Variants in FANCI observed in about 807,000 individuals in gnomAD.
FANCI encodes FA complementation group I.
Under a neutral mutation model 176.1 loss-of-function variants are expected in FANCI, and 156 were observed. That is an observed-to-expected ratio of 0.89 (90% confidence interval 0.78 to 1.01). The LOEUF (loss-of-function observed/expected upper bound fraction) is 1.01, where lower values mean the gene tolerates loss of function less well. FANCI is among the 50% of genes least tolerant of loss of function. The pLI is 0.00. For synonymous variants in FANCI, 613 were observed against 541.7 expected (o/e 1.13, Z -1.83); for missense variants, 1,678 against 1,534.1 (o/e 1.09, Z -1.57).
intron 13 of FANCI, 71 bp downstream of exon 13, chr15:89,276,962 G>A: frequency 6.5e-7 from 1 of 1,536,868 alleles, no homozygotes; most frequent in Non-Finnish European, 9.0e-7. Flanking sequence ...GCATTTGCCT[G>A]GGAGTTTGGT....
In FANCI at chr15:89,297,242, G is replaced by A. The variant is rs1219200387; in HGVS notation, c.2636+2148G>A. Among the ~76,000 whole-genome samples the A allele has an allele frequency of 2.5e-4, 38 of 151,864 alleles. No homozygotes were observed. The East Asian group carries it at 5.7e-3, about 23-fold the overall frequency. On this transcript the variant is annotated intron_variant, in intron 24 of 37. Coordinates refer to ENST00000310775, the MANE Select transcript of FANCI (RefSeq NM_001113378.2). ...GCTCCCCACATCTCAGGCGATGGGC[G>A]GCCAGGCAGAGACGCTCCTCACTTC...
chr15:89,273,510 G>GCA, intron 11 of FANCI, 41 bp downstream of exon 11: 2 of 660,464 alleles, frequency 3.0e-6, no homozygotes, highest in Admixed American at 5.6e-5. Flanking sequence ...TCTGTAGTTG[G>GCA]TAAAAAAAAA....
At position 89,281,675 on chromosome 15, in the gene FANCI, A is replaced by G. The variant is rs2053619623; in HGVS notation, c.1513-90A>G. 29 of 1,187,234 alleles carry G rather than the reference A, an allele frequency of 2.4e-5. 2 individuals are homozygous for G. The South Asian group carries it at 3.4e-4, about 14-fold the overall frequency. The allele number at this position is 1,187,234 out of a possible 1,614,324, so 73.5% of individuals were successfully genotyped here. Reference sequence around the variant, plus strand: ...ATATAAAACAGAAGTAAGCTTCCTTATAGAAGCCATATGGTAACAGTATTG... The same window carrying G: ...ATATAAAACAGAAGTAAGCTTCCTTGTAGAAGCCATATGGTAACAGTATTG... On this transcript the variant is annotated intron_variant, in intron 15 of 37. Transcript: ENST00000310775.
rs750230813 is a variant in FANCI, at chr15:89,260,813, G to A, written c.258G>A (p.Ala86=). The change falls in exon 4 of 38, where the codon GCG becomes GCA. Residue 86 remains alanine (A), a synonymous_variant. Transcript: ENST00000310775. ...CGGGGGATTTGCAGAAAGAAATAGC[G>A]TCTGAGATCATAGGATTACTGATGC... ...VESGDLQKEI[A]SEIIGLLMLE... 37 of 1,613,780 alleles carry A rather than the reference G, an allele frequency of 2.3e-5. No homozygotes were observed. The highest frequency in any genetic ancestry group is 1.3e-4 in the Admixed American group (8 of 59,998).
chr15:89,251,591 A>C (rs2052252939), intron 2 of FANCI, among the ~76,000 whole-genome samples: 1 of 152,240 alleles, frequency 6.6e-6, no homozygotes, highest in Non-Finnish European at 1.5e-5. Context: ...TAACTTACGA[A>C]TATTGATATA....
chr15:89,269,232 C>G (rs1481027674), intron 10 of FANCI, among the ~76,000 whole-genome samples: 1 of 152,126 alleles, frequency 6.6e-6, no homozygotes, highest in Non-Finnish European at 1.5e-5. Flanking sequence ...TGCAGAAACC[C>G]AAACCCTAAC....
chr15:89,315,785 C>T (rs1300902687), intron 37 of FANCI, among the ~76,000 whole-genome samples: 1 of 152,190 alleles, frequency 6.6e-6, no homozygotes, highest in African/African-American at 2.4e-5. Context: ...TCAATTCATG[C>T]CAATGTCTTG....
intron 24 of FANCI, among the ~76,000 whole-genome samples, chr15:89,295,466 G>A (rs1004518964): frequency 6.6e-6 from 1 of 151,774 alleles, no homozygotes; most frequent in Admixed American, 6.6e-5. Context: ...GGGAGTTCGA[G>A]ACCAGTCTGA....
At chr15:89,292,237 G>A (rs2054096299) in intron 20 of FANCI, among the ~76,000 whole-genome samples, 1 of 152,246 alleles carries the variant, frequency 6.6e-6, no homozygotes, top group African/African-American at 2.4e-5. Context: ...AAAGGAGGAA[G>A]TCTTTCAGTT....
At chr15:89,293,734 T>C in intron 22 of FANCI, 99 bp from the exon 23 acceptor site, 1 of 1,140,072 alleles carries the variant, frequency 8.8e-7, no homozygotes, top group South Asian at 1.3e-5. Context: ...ACGTCTAAAA[T>C]ATGACATTTA....
At chr15:89,255,280 T>C (rs1567139050) in intron 2 of FANCI, among the ~76,000 whole-genome samples, 2 of 152,216 alleles carry the variant, frequency 1.3e-5, no homozygotes, top group Non-Finnish European at 2.9e-5. Flanking sequence ...AATGGTACCA[T>C]GCCCTTTTTA....
Position 89,276,910 on chromosome 15 carries a change from A to C in FANCI, c.1293+19A>C. 6.2e-7 allele frequency: 1 copy of C among 1,613,882 alleles called. No homozygotes were observed. The highest frequency in any genetic ancestry group is 8.5e-7 in the Non-Finnish European group (1 of 1,179,776). On this transcript the variant is annotated intron_variant, in intron 13 of 37. Transcript: ENST00000310775. ...TTTTAAGGTGAGACACTATTTTGGC[A>C]ACCACTCCCTAATTTTGTTTAAATA...
intron 2 of FANCI, among the ~76,000 whole-genome samples, chr15:89,248,185 A>G (rs767569015): frequency 4.6e-5 from 7 of 152,308 alleles, no homozygotes; most frequent in South Asian, 2.1e-4. Context: ...TGTTTTCACT[A>G]TAAGTGTAGG....
At chr15:89,269,631 A>T (rs912275159) in intron 10 of FANCI, among the ~76,000 whole-genome samples, 1 of 152,140 alleles carries the variant, frequency 6.6e-6, no homozygotes, top group Non-Finnish European at 1.5e-5. Flanking sequence ...CAAGGGCCAG[A>T]TACTAATATT....
Position 89,305,636 on chromosome 15 carries a change from TAGA to T in FANCI, c.3293_3295del (p.Glu1098del). On this transcript the variant is annotated inframe_deletion, in exon 31 of 38. Coordinates refer to ENST00000310775, the MANE Select transcript of FANCI (RefSeq NM_001113378.2). ...GTTCTGAGTCAGGCCGAGAAGGTTC[TAGA>T]AGAAGTGGACTGGCTAATCACCAAG... The T allele has an allele frequency of 5.6e-6, 9 of 1,614,218 alleles. No individual in the cohort carries two copies. Among genetic ancestry groups the T allele is most frequent in the Non-Finnish European group, 6.8e-6 (8 of 1,180,038 alleles).
At chr15:89,247,530 C>T (rs1596206730) in intron 1 of FANCI, 99 bp from the exon 2 acceptor site, 5 of 841,862 alleles carry the variant, frequency 5.9e-6, no homozygotes. Flanking sequence ...GCACCCATTG[C>T]ATAATAGGTA....
rs150387641 is a variant in FANCI, at chr15:89,303,901, A to G, written c.3044A>G (p.Lys1015Arg). The G allele has an allele frequency of 3.7e-6, 6 of 1,614,000 alleles. No individual in the cohort carries two copies. The highest frequency in any genetic ancestry group is 4.2e-6 in the Non-Finnish European group (5 of 1,179,970). ...TTATCCTGGACATCAAAGATTTGCA[A>G]GGAAAACAGCCGGGGTAAGTTTACT... is the stretch of plus-strand genomic sequence containing the variant. ...QMLSWTSKIC[K>R]ENSREDALFC... Residue 1015 changes from lysine (K) to arginine (R), a missense_variant, in exon 28 of 38, where the codon AAG becomes AGG. Lys to Arg is a conservative substitution (Grantham distance 26). Coordinates refer to ENST00000310775, the MANE Select transcript of FANCI (RefSeq NM_001113378.2).
intron 10 of FANCI, among the ~76,000 whole-genome samples, chr15:89,268,791 C>T (rs1009430306): frequency 2.0e-5 from 3 of 151,456 alleles, no homozygotes; most frequent in Non-Finnish European, 4.4e-5. Context: ...AAAGTTCTAA[C>T]GCAAAAAAGT....
chr15:89,283,121 C>CT lies in FANCI; in HGVS notation c.1584-14dup, dbSNP rs1567158520. 6 of 1,614,018 alleles carry CT rather than the reference C, an allele frequency of 3.7e-6. No individual in the cohort carries two copies. The South Asian group carries it at 6.6e-5, about 18-fold the overall frequency. On this transcript the variant is annotated splice_polypyrimidine_tract_variant and intron_variant, in intron 16 of 37. Coordinates refer to ENST00000310775, the MANE Select transcript of FANCI (RefSeq NM_001113378.2). ...GAAATAGTACTGTTTGTTAACTTCTCTATTTCTGAGCTAGCCAGCTTGATG... is the reference window on the plus strand; with the variant it reads ...GAAATAGTACTGTTTGTTAACTTCTCTTATTTCTGAGCTAGCCAGCTTGATG...
Sources: gnomAD v4.1 joint callset for allele counts (sites outside exome capture counted in the v4.1 genomes callset) on GRCh38, gnomAD v4.1.1 for gene constraint, MANE v1.5 for transcripts, NCBI Gene and HGNC (gene_info 2026-07-23, HGNC 2026-07-21) for gene names.